Variants in ADORA2B observed in about 807,000 individuals in gnomAD.
ADORA2B encodes adenosine A2b receptor.
A neutral mutation model predicts 20.8 loss-of-function variants in ADORA2B; 18 were observed. That is an observed-to-expected ratio of 0.87 (90% CI 0.60 to 1.29). The LOEUF (loss-of-function observed/expected upper bound fraction) is 1.29, where lower values mean the gene tolerates loss of function less well. Among genes scored for constraint, ADORA2B ranks in the 50% most tolerant of loss-of-function variants. ADORA2B has a pLI of 0.00. For missense variants in ADORA2B, 441 were observed against 422.7 expected, an observed-to-expected ratio of 1.04 and a Z score of -0.38; for synonymous variants, 179 against 178.3, an observed-to-expected ratio of 1.00 and a Z score of -0.03.
At position 15,974,929 on chromosome 17, in the gene ADORA2B, C is replaced by CT; in HGVS notation, c.588dup (p.Ile197TyrfsTer8). The stretch of plus-strand genomic sequence containing the variant: ...CTTTGGGTGTGTTCTGCCCCCACTG[C>CT]TTATAATGCTGGTGATCTACATTAA... On this transcript the variant is annotated frameshift_variant, in exon 2 of 2. Transcript: ENST00000304222. LOFTEE classifies it high-confidence loss of function. The CT allele has an allele frequency of 1.2e-6, 2 of 1,614,140 alleles. No homozygotes were observed. The highest frequency in any genetic ancestry group is 8.5e-7 in the Non-Finnish European group (1 of 1,180,032).
chr17:15,967,382 G>A (rs1338161461), intron 1 of ADORA2B, among the ~76,000 whole-genome samples: 2 of 152,046 alleles, frequency 1.3e-5, no homozygotes, highest in African/African-American at 4.8e-5. Flanking sequence ...ACAGGCATGC[G>A]CCAACACACT....
chr17:15,942,843 G>T (rs1969756863), upstream of ADORA2B, among the ~76,000 whole-genome samples: 1 of 152,070 alleles, frequency 6.6e-6, no homozygotes, highest in South Asian at 2.1e-4. Context: ...CACTCTCCTG[G>T]GCATGGCACC....
At chr17:15,882,323 A>G in the ADORA2B span, among the ~76,000 whole-genome samples, 1 of 152,194 alleles carries the variant, frequency 6.6e-6, no homozygotes, top group South Asian at 2.1e-4. Context: ...CTAAGGGCCC[A>G]CATTGTGCCT....
At chr17:15,893,468 CCCTT>C in the ADORA2B span, among the ~76,000 whole-genome samples, 166 of 148,958 alleles carry the variant, frequency 1.1e-3, 1 homozygote, top group East Asian at 0.02. Flanking sequence ...AGATAATCAG[CCCTT>C]CCTTCCTTCC....
chr17:15,895,498 G>A, the ADORA2B span, among the ~76,000 whole-genome samples: 13 of 152,088 alleles, frequency 8.5e-5, no homozygotes, highest in African/African-American at 2.2e-4. Flanking sequence ...AGCCGGGATC[G>A]GAGAGCAGAG....
the ADORA2B span, among the ~76,000 whole-genome samples, chr17:15,851,546 G>A: frequency 1.3e-5 from 2 of 152,078 alleles, no homozygotes; most frequent in African/African-American, 4.8e-5. Flanking sequence ...AACAGCAAAT[G>A]CCTTCCCAGC....
the ADORA2B span, among the ~76,000 whole-genome samples, chr17:15,921,180 A>C: frequency 6.8e-6 from 1 of 147,770 alleles, no homozygotes; most frequent in Non-Finnish European, 1.5e-5. Context: ...TGTTTCCAGA[A>C]AGCAGACAAG....
chr17:15,881,982 A>G, the ADORA2B span, among the ~76,000 whole-genome samples: 1 of 152,048 alleles, frequency 6.6e-6, no homozygotes, highest in African/African-American at 2.4e-5. Context: ...TAGATGTTTT[A>G]TTTATCCTCC....
chr17:15,929,833 G>GA, the ADORA2B span, among the ~76,000 whole-genome samples: 13 of 152,264 alleles, frequency 8.5e-5, no homozygotes, highest in Non-Finnish European at 1.6e-4. Context: ...CATAGAGACA[G>GA]AAAGTAGAAT....
the ADORA2B span, among the ~76,000 whole-genome samples, chr17:15,861,131 T>C: frequency 4.1e-3 from 628 of 152,332 alleles, 7 homozygotes; most frequent in African/African-American, 0.014. Flanking sequence ...ATAATTAAGA[T>C]GCAGTGCCCG....
the ADORA2B span, among the ~76,000 whole-genome samples, chr17:15,934,050 T>A: frequency 6.6e-6 from 1 of 152,118 alleles, no homozygotes; most frequent in Admixed American, 6.5e-5. Context: ...TTTGTTGATT[T>A]TTTTCAAATC....
At chr17:15,877,819 A>G in the ADORA2B span, among the ~76,000 whole-genome samples, 3 of 151,930 alleles carry the variant, frequency 2.0e-5, no homozygotes, top group East Asian at 3.9e-4. Flanking sequence ...TCTTGCCACA[A>G]ATTTCCTGAG....
rs569973043 is a variant in ADORA2B, at chr17:15,949,341, C to T, written c.335+3758C>T. Among the ~76,000 whole-genome samples, 243 of 149,798 alleles carry T rather than the reference C, an allele frequency of 1.6e-3. 1 individual carries two copies. The highest frequency in any genetic ancestry group is 5.0e-3 in the African/African-American group (205 of 40,662). On this transcript the variant is annotated intron_variant, in intron 1 of 1. Transcript: ENST00000304222. ...CAGCCTGGCCAACATGGCGAAATCC[C>T]GTCTCTACTAAAAATACAAAAATTG...
the ADORA2B span, among the ~76,000 whole-genome samples, chr17:15,901,016 G>A: frequency 6.6e-6 from 1 of 152,184 alleles, no homozygotes; most frequent in Admixed American, 6.5e-5. Flanking sequence ...AGTCCATGAA[G>A]GTTGTTGCTC....
chr17:15,908,575 T>C, the ADORA2B span: 76 of 193,000 alleles, frequency 3.9e-4, 2 homozygotes, highest in South Asian at 7.5e-3. Flanking sequence ...CAGACCGGCC[T>C]GACTGGTAGA....
At chr17:15,886,181 T>C in the ADORA2B span, among the ~76,000 whole-genome samples, 97 of 152,324 alleles carry the variant, frequency 6.4e-4, no homozygotes, top group Non-Finnish European at 8.8e-4. Flanking sequence ...TGAGGACTTA[T>C]TAGAAAGAAA....
chr17:15,927,986 T>A, the ADORA2B span, among the ~76,000 whole-genome samples: 1 of 151,894 alleles, frequency 6.6e-6, no homozygotes, highest in Non-Finnish European at 1.5e-5. Context: ...CACACCCGGC[T>A]ACTTTTTGTA....
At chr17:15,853,874 T>G in the ADORA2B span, among the ~76,000 whole-genome samples, 1 of 151,446 alleles carries the variant, frequency 6.6e-6, no homozygotes, top group African/African-American at 2.4e-5. Context: ...AATTAAAAGG[T>G]CAGTGTCTCT....
intron 1 of ADORA2B, among the ~76,000 whole-genome samples, chr17:15,963,953 GGAGTA>G (rs1436400305): frequency 2.6e-5 from 4 of 152,226 alleles, no homozygotes; most frequent in African/African-American, 9.6e-5. Flanking sequence ...TGAACTTGCT[GGAGTA>G]GATGAGAACC....
Sources: allele counts gnomAD v4.1 joint callset (sites outside exome capture counted in the v4.1 genomes callset), GRCh38; gene constraint gnomAD v4.1.1; transcripts MANE v1.5; gene names NCBI Gene and HGNC (gene_info 2026-07-23, HGNC 2026-07-21).